UBE2J1: variants seen among roughly 807,000 people sequenced by gnomAD.
UBE2J1 encodes ubiquitin conjugating enzyme E2 J1.
A neutral mutation model predicts 42.1 loss-of-function variants in UBE2J1; 17 were observed. That is an observed-to-expected ratio of 0.40 (90% CI 0.28 to 0.61). UBE2J1 has a LOEUF of 0.61. UBE2J1 is among the 20% of genes least tolerant of loss of function. UBE2J1 has a pLI of 0.38. For synonymous variants in UBE2J1, 127 were observed against 137.2 expected (o/e 0.93, Z 0.52); for missense variants, 291 against 389.4 (o/e 0.75, Z 2.13).
At chr6:89,340,799 C>T (rs1373667969) in intron 3 of UBE2J1, among the ~76,000 whole-genome samples, 4 of 149,954 alleles carry the variant, frequency 2.7e-5, no homozygotes, top group East Asian at 1.9e-4. Flanking sequence ...GATGGAGTCT[C>T]GCTCTGTCGC....
chr6:89,335,883 A>G (rs1768098751), intron 5 of UBE2J1, among the ~76,000 whole-genome samples: 1 of 152,222 alleles, frequency 6.6e-6, no homozygotes, highest in Admixed American at 6.5e-5. Context: ...AAAACCCCTC[A>G]CAAATAGCAG....
At position 89,335,438 on chromosome 6, in the gene UBE2J1, GA is replaced by G. The variant is rs1288566715; in HGVS notation, c.429-8del. 6.5e-7 allele frequency: 1 copy of G among 1,548,898 alleles called. No homozygotes were observed. Among genetic ancestry groups the G allele is most frequent in the Non-Finnish European group, 8.7e-7 (1 of 1,143,470 alleles). ...ACAACAGAAATCTTGTGATCTAGTAGAAAAAGATTTTTTAAATGAAAATAAA... is the reference window on the plus strand; with the variant it reads ...ACAACAGAAATCTTGTGATCTAGTAGAAAAGATTTTTTAAATGAAAATAAA... On this transcript the variant is annotated splice_polypyrimidine_tract_variant and splice_region_variant and intron_variant, in intron 5 of 7. Coordinates refer to ENST00000435041, the MANE Select transcript of UBE2J1 (RefSeq NM_016021.3).
At position 89,333,296 on chromosome 6, in the gene UBE2J1, ATTTAT is replaced by A. The variant is rs981515124; in HGVS notation, c.559-96_559-92del. The A allele has an allele frequency of 1.3e-5, 18 of 1,383,412 alleles. No homozygotes were observed. In the African/African-American group the frequency reaches 1.3e-4, roughly 10 times the overall value. The allele number at this position is 1,383,412 out of a possible 1,614,324, so 85.7% of individuals were successfully genotyped here. A position where few individuals can be genotyped will look rare whatever the true frequency, so the allele number is the denominator to read the frequency against. ...CAACCTGCTAAATCCTCTCTGTTGG[ATTTAT>A]TTTAATTGCTAGTTTAATATCTATT... is the stretch of plus-strand genomic sequence containing the variant. On this transcript the variant is annotated intron_variant, in intron 6 of 7. Coordinates refer to ENST00000435041, the MANE Select transcript of UBE2J1 (RefSeq NM_016021.3).
chr6:89,334,895 G>T (rs1405774590), intron 6 of UBE2J1, among the ~76,000 whole-genome samples: 1 of 152,132 alleles, frequency 6.6e-6, no homozygotes, highest in Non-Finnish European at 1.5e-5. Flanking sequence ...GCAATCCTAT[G>T]ATTTAGGTAC....
chr6:89,343,656 A>G (rs1375735690), intron 2 of UBE2J1, 27 bp downstream of exon 2: 1 of 1,539,904 alleles, frequency 6.5e-7, no homozygotes, highest in East Asian at 2.3e-5. Context: ...TAAAATCCAT[A>G]TGAAGAACAT....
chr6:89,335,497 A>G (rs1768091183), intron 5 of UBE2J1, 66 bp from the exon 6 acceptor site: 2 of 1,210,332 alleles, frequency 1.7e-6, no homozygotes, highest in Non-Finnish European at 2.2e-6. Flanking sequence ...TCACTGAGAC[A>G]CTCAAATGCT....
At chr6:89,352,325 GGC>G (rs1364670794) in intron 1 of UBE2J1, among the ~76,000 whole-genome samples, 1 of 152,248 alleles carries the variant, frequency 6.6e-6, no homozygotes, top group Non-Finnish European at 1.5e-5. Flanking sequence ...GGTGCTGCGG[GGC>G]GCGCTGGCCG....
rs547011420 is a variant in UBE2J1, at chr6:89,352,436, C to A, written c.31+103G>T. 6.7e-6 allele frequency: 9 copies of A among 1,337,012 alleles called. No homozygotes were observed. The African/African-American group carries it at 1.2e-4, about 18-fold the overall frequency. 82.8% of individuals were successfully genotyped at this position (1,337,012 alleles called of 1,614,324 possible). A position where few individuals can be genotyped will look rare whatever the true frequency, so the allele number is the denominator to read the frequency against. On this transcript the variant is annotated intron_variant, in intron 1 of 7. Coordinates refer to ENST00000435041, the MANE Select transcript of UBE2J1 (RefSeq NM_016021.3). ...CTCGCGTAGAGCGCGAAACCAGGAG[C>A]TGAGCCGCGAGTGGCGCCAGACGCG...
At position 89,333,178 on chromosome 6, in the gene UBE2J1, T is replaced by C. The variant is rs144602788; in HGVS notation, c.586A>G (p.Ile196Val). 113 of 1,612,714 alleles carry C rather than the reference T, an allele frequency of 7.0e-5. No individual in the cohort carries two copies. The Middle Eastern group carries it at 9.9e-4, about 14-fold the overall frequency. Reference protein sequence around the residue: ...KAEVNSSGKTISESDLNHSFS... With the variant: ...KAEVNSSGKTVSESDLNHSFS... ...GAGTGGTTTAAGTCTGACTCAGAGATAGTCTTTCCAGATGAATTGACTTCT... is the reference window on the plus strand; with the variant it reads ...GAGTGGTTTAAGTCTGACTCAGAGACAGTCTTTCCAGATGAATTGACTTCT... Residue 196 changes from isoleucine (I) to valine (V), a missense_variant, in exon 7 of 8, where the codon ATC becomes GTC. Ile to Val is a conservative substitution (Grantham distance 29). Coordinates refer to ENST00000435041, the MANE Select transcript of UBE2J1 (RefSeq NM_016021.3).
At position 89,328,349 on chromosome 6, in the gene UBE2J1, T is replaced by C. The variant is rs1767943727; in HGVS notation, c.*1330A>G. ...ATACCCTCCCCTATACTATTCAAGATATACATATGGGCTAACTTTCGTGGA... is the reference window on the plus strand; with the variant it reads ...ATACCCTCCCCTATACTATTCAAGACATACATATGGGCTAACTTTCGTGGA... On this transcript the variant is annotated 3_prime_UTR_variant, in exon 8 of 8. Coordinates refer to ENST00000435041, the MANE Select transcript of UBE2J1 (RefSeq NM_016021.3). 1 of 152,258 alleles carries C rather than the reference T, an allele frequency of 6.6e-6. No individual in the cohort carries two copies. The highest frequency in any genetic ancestry group is 1.5e-5 in the Non-Finnish European group (1 of 68,048). The allele number at this position is 152,258 out of a possible 1,614,324, so 9.4% of individuals were successfully genotyped here. A position where few individuals can be genotyped will look rare whatever the true frequency, so the allele number is the denominator to read the frequency against.
intron 5 of UBE2J1, among the ~76,000 whole-genome samples, chr6:89,337,147 C>A (rs746854631): frequency 5.2e-4 from 79 of 151,696 alleles, no homozygotes; most frequent in Non-Finnish European, 5.9e-4. Context: ...GGCCCAAAAT[C>A]ATTTTTTAAA....
Position 89,329,934 on chromosome 6 carries a change from T to C in UBE2J1, c.702A>G (p.Ala234=), listed in dbSNP as rs763576176. ...GTTGGGTAGGTTGATGAAAGGATGCTGCTGAGGAATTCTGGAGTCCGTACT... is the reference window on the plus strand; with the variant it reads ...GTTGGGTAGGTTGATGAAAGGATGCCGCTGAGGAATTCTGGAGTCCGTACT... The part of the protein sequence containing the change: ...STSYGLQNSS[A]ASFHQPTQPV... Residue 234 remains alanine (A), a synonymous_variant, in exon 8 of 8, where the codon GCA becomes GCG. Transcript: ENST00000435041. 1.9e-6 allele frequency: 3 copies of C among 1,614,098 alleles called. No individual in the cohort carries two copies. The highest frequency in any genetic ancestry group is 2.5e-6 in the Non-Finnish European group (3 of 1,179,982).
Position 89,352,688 on chromosome 6 carries a change from A to C in UBE2J1, c.-119T>G, listed in dbSNP as rs1768512019. 2 of 1,194,242 alleles carry C rather than the reference A, an allele frequency of 1.7e-6. No homozygotes were observed. The highest frequency in any genetic ancestry group is 2.2e-6 in the Non-Finnish European group (2 of 897,462). 74.0% of individuals were successfully genotyped at this position (1,194,242 alleles called of 1,614,324 possible). A position where few individuals can be genotyped will look rare whatever the true frequency, so the allele number is the denominator to read the frequency against. The stretch of plus-strand genomic sequence containing the variant: ...GGGCCTGGCCGAGGAGCCTCGGCAA[A>C]TGCCGCCCAGTCCAGCCTGGACTGC... On this transcript the variant is annotated 5_prime_UTR_variant, in exon 1 of 8. Coordinates refer to ENST00000435041, the MANE Select transcript of UBE2J1 (RefSeq NM_016021.3).
intron 7 of UBE2J1, among the ~76,000 whole-genome samples, chr6:89,332,376 C>T (rs1374374040): frequency 3.3e-5 from 5 of 152,158 alleles, no homozygotes. Context: ...TCACCTAGGC[C>T]AAACAATTTC....
chr6:89,336,615 G>A (rs1582481235), intron 5 of UBE2J1, among the ~76,000 whole-genome samples: 4 of 151,468 alleles, frequency 2.6e-5, no homozygotes, highest in Admixed American at 1.3e-4. Flanking sequence ...TTACAAGCAT[G>A]AGCCACTGTG....
At chr6:89,330,736 C>T (rs565018054) in intron 7 of UBE2J1, among the ~76,000 whole-genome samples, 37 of 152,058 alleles carry the variant, frequency 2.4e-4, no homozygotes, top group South Asian at 6.2e-4. Flanking sequence ...GTTGAGGCTT[C>T]GGTGAGCTAT....
At chr6:89,346,201 T>C (rs1410615824) in intron 1 of UBE2J1, among the ~76,000 whole-genome samples, 2 of 152,096 alleles carry the variant, frequency 1.3e-5, no homozygotes, top group African/African-American at 4.8e-5. Context: ...ACTATCCTAC[T>C]TCACAATTAT....
chr6:89,352,110 A>G (rs950858652), intron 1 of UBE2J1, among the ~76,000 whole-genome samples: 2 of 152,224 alleles, frequency 1.3e-5, no homozygotes, highest in African/African-American at 2.4e-5. Context: ...TTAAACGACC[A>G]ACTCCTCAAA....
intron 3 of UBE2J1, among the ~76,000 whole-genome samples, chr6:89,341,632 G>A (rs887305034): frequency 3.3e-5 from 5 of 152,234 alleles, no homozygotes; most frequent in Admixed American, 1.3e-4. Flanking sequence ...GCTGAGGTGG[G>A]AGGATAGCTT....
Sources: gnomAD v4.1 joint callset for allele counts (sites outside exome capture counted in the v4.1 genomes callset) on GRCh38, gnomAD v4.1.1 for gene constraint, MANE v1.5 for transcripts, NCBI Gene and HGNC (gene_info 2026-07-23, HGNC 2026-07-21) for gene names.